H4C15: variants seen among roughly 807,000 people sequenced by gnomAD.
H4C15 encodes the protein H4 clustered histone 15, also known as histone H4.
chr1:149,846,487 CTAA>C, the H4C15 span: 1 of 152,116 alleles, frequency 6.6e-6, no homozygotes, highest in Non-Finnish European at 1.5e-5. Context: ...AGTTTCTGTA[CTAA>C]TGTCTTTGAT....
chr1:149,850,569 C>T (rs1217945992), downstream of H4C15: 6 of 672,828 alleles, frequency 8.9e-6, no homozygotes, highest in Non-Finnish European at 1.5e-5. Flanking sequence ...TCGAAGATGT[C>T]GTTGAGGAAG....
the H4C15 span, chr1:149,846,683 A>G: frequency 1.3e-5 from 2 of 152,340 alleles, no homozygotes; most frequent in Middle Eastern, 3.4e-3. Flanking sequence ...GAACCATTTG[A>G]AAATAAACTG....
chr1:149,846,167 G>C, the H4C15 span: 1 of 151,952 alleles, frequency 6.6e-6, no homozygotes, highest in Non-Finnish European at 1.5e-5. Context: ...ACTCCCCCCC[G>C]CCAGGACTGC....
downstream of H4C15, among the ~76,000 whole-genome samples, chr1:149,855,384 G>GGTGTGTGT (rs1162535434): frequency 0.077 from 10,695 of 138,390 alleles, 335 homozygotes; most frequent in Admixed American, 0.1. Context: ...GTGGGGGACA[G>GGTGTGTGT]GTGTGTGTGT....
chr1:149,846,799 T>C, the H4C15 span: 1 of 152,246 alleles, frequency 6.6e-6, no homozygotes. Context: ...AATTTAATGC[T>C]GATTCAGTAA....
downstream of H4C15, chr1:149,850,074 A>C: frequency 2.3e-6 from 1 of 426,626 alleles, no homozygotes; most frequent in South Asian, 2.1e-5. Flanking sequence ...TAACCAGGCC[A>C]AAGACAGTTC....
chr1:149,849,680 A>C (rs890426654), downstream of H4C15, among the ~76,000 whole-genome samples: 3 of 152,220 alleles, frequency 2.0e-5, no homozygotes, highest in African/African-American at 7.2e-5. Context: ...GGGGAAAAAA[A>C]CCATTTAATG....
downstream of H4C15, chr1:149,850,400 G>C (rs1553757636): frequency 9.9e-7 from 1 of 1,010,450 alleles, no homozygotes; most frequent in Admixed American, 2.0e-5. Context: ...GGACTCACTT[G>C]GAGCTGGCGT....
At chr1:149,846,985 A>G in the H4C15 span, 4 of 152,226 alleles carry the variant, frequency 2.6e-5, no homozygotes. Context: ...TTTACTCGGT[A>G]GAAATCAAGG....
downstream of H4C15, chr1:149,850,043 G>A (rs1553757533): frequency 2.6e-6 from 1 of 386,368 alleles, no homozygotes; most frequent in South Asian, 2.2e-5. Flanking sequence ...ACAATCTCCT[G>A]GGCACATATT....
the H4C15 span, chr1:149,847,338 A>C: frequency 6.6e-6 from 1 of 152,224 alleles, no homozygotes; most frequent in Non-Finnish European, 1.5e-5. Flanking sequence ...AGCCTGCCAC[A>C]GCCATTGACT....
chr1:149,850,214 GCT>G, downstream of H4C15: 1 of 785,348 alleles, frequency 1.3e-6, no homozygotes, highest in Non-Finnish European at 2.2e-6. Flanking sequence ...GGTGTTGTGT[GCT>G]CTCCTAAAGT....
At chr1:149,847,665 C>G in the H4C15 span, 1 of 152,194 alleles carries the variant, frequency 6.6e-6, no homozygotes, top group Non-Finnish European at 1.5e-5. Context: ...ATCAGCCGGG[C>G]GTGCTGACGC....
At chr1:149,846,772 CATT>C in the H4C15 span, 1 of 152,166 alleles carries the variant, frequency 6.6e-6, no homozygotes. Context: ...GCTACAATCA[CATT>C]ATTACACCTA....
At chr1:149,845,476 A>C in the H4C15 span, 1 of 152,236 alleles carries the variant, frequency 6.6e-6, no homozygotes, top group South Asian at 2.1e-4. Flanking sequence ...AGAGCTGAAT[A>C]CAGTAAGATA....
At chr1:149,850,839 G>A, downstream of H4C15, 24 of 158,170 alleles carry the variant, frequency 1.5e-4, no homozygotes, top group South Asian at 8.0e-4. Context: ...GGGGTCTACC[G>A]GAAACGACTG....
the H4C15 span, chr1:149,848,447 C>A: frequency 1.3e-5 from 2 of 152,214 alleles, no homozygotes; most frequent in Non-Finnish European, 2.9e-5. Context: ...ACTGTGTCCT[C>A]CTCTGCATAT....
chr1:149,847,810 A>C, the H4C15 span: 1 of 152,304 alleles, frequency 6.6e-6, no homozygotes, highest in African/African-American at 2.4e-5. Context: ...CATCTCAAGA[A>C]AGAAAGTAAA....
downstream of H4C15, among the ~76,000 whole-genome samples, chr1:149,849,201 TACC>T (rs1391590677): frequency 6.6e-6 from 1 of 152,248 alleles, no homozygotes; most frequent in Non-Finnish European, 1.5e-5. Flanking sequence ...TTGTTTCCAT[TACC>T]ACCATTGCAC....
Sources: gnomAD v4.1 joint callset for allele counts (sites outside exome capture counted in the v4.1 genomes callset) on GRCh38, gnomAD v4.1.1 for gene constraint, MANE v1.5 for transcripts, NCBI Gene and HGNC (gene_info 2026-07-23, HGNC 2026-07-21) for gene names.